EML1: variants seen among roughly 807,000 people sequenced by gnomAD.
EML1 encodes EMAP like 1.
A neutral mutation model predicts 110.4 loss-of-function variants in EML1; 27 were observed. The ratio of observed to expected loss-of-function variants is 0.24; its 90% confidence interval spans 0.18 to 0.34. The LOEUF is 0.34. Among genes scored for constraint, EML1 ranks in the 10% least tolerant of loss-of-function variants. The pLI is 1.00. For synonymous variants in EML1, 344 were observed against 385.8 expected (o/e 0.89, Z 1.27); for missense variants, 741 against 1,030.9 (o/e 0.72, Z 3.85).
At chr14:99,739,700 G>A (rs1178550805) in intron 1 of EML1, among the ~76,000 whole-genome samples, 3 of 152,202 alleles carry the variant, frequency 2.0e-5, no homozygotes, top group Non-Finnish European at 4.4e-5. Context: ...AGGAGTAAAG[G>A]CGGCATCTTG....
intron 1 of EML1, among the ~76,000 whole-genome samples, chr14:99,835,226 T>A (rs1368767618): frequency 1.3e-5 from 2 of 152,248 alleles, no homozygotes; most frequent in Non-Finnish European, 2.9e-5. Flanking sequence ...AGAATGTGTA[T>A]ATTTTATCTA....
At chr14:99,860,744 A>T (rs2058989581) in intron 2 of EML1, among the ~76,000 whole-genome samples, 1 of 152,136 alleles carries the variant, frequency 6.6e-6, no homozygotes, top group Non-Finnish European at 1.5e-5. Context: ...ATCTTGCCGA[A>T]GTTGGGATCT....
chr14:99,851,376 G>C (rs1193785273), intron 2 of EML1, among the ~76,000 whole-genome samples: 1 of 151,816 alleles, frequency 6.6e-6, no homozygotes, highest in African/African-American at 2.4e-5. Context: ...GGCGCGATCT[G>C]GGCTCACTGC....
chr14:99,765,153 C>T (rs2140193016), intron 1 of EML1, among the ~76,000 whole-genome samples: 1 of 152,214 alleles, frequency 6.6e-6, no homozygotes, highest in East Asian at 1.9e-4. Context: ...GTTGCCCAGG[C>T]TGGTGTCGAA....
chr14:99,835,486 G>T (rs4905901), intron 1 of EML1, among the ~76,000 whole-genome samples: 1 of 151,842 alleles, frequency 6.6e-6, no homozygotes, highest in African/African-American at 2.4e-5. Flanking sequence ...ATATTGCTTC[G>T]TTTTTTTCTG....
intron 1 of EML1, among the ~76,000 whole-genome samples, chr14:99,754,428 C>T (rs2057220904): frequency 6.6e-6 from 1 of 152,170 alleles, no homozygotes; most frequent in Non-Finnish European, 1.5e-5. Context: ...GCAAAGGGCT[C>T]CACCAGACCT....
intron 15 of EML1, among the ~76,000 whole-genome samples, chr14:99,916,192 C>T (rs2060031853): frequency 6.6e-6 from 1 of 152,250 alleles, no homozygotes; most frequent in Non-Finnish European, 1.5e-5. Context: ...GTTCTAGCTC[C>T]TCTGCCTACT....
chr14:99,853,086 G>C (rs2139838881), intron 2 of EML1, among the ~76,000 whole-genome samples: 1 of 152,058 alleles, frequency 6.6e-6, no homozygotes, highest in Non-Finnish European at 1.5e-5. Context: ...AAAATAACAG[G>C]GTGTGCCCAA....
intron 1 of EML1, among the ~76,000 whole-genome samples, chr14:99,795,292 G>T (rs1211673451): frequency 6.6e-6 from 1 of 152,162 alleles, no homozygotes; most frequent in African/African-American, 2.4e-5. Context: ...AGAGATATTG[G>T]CATGGTATTT....
intron 2 of EML1, among the ~76,000 whole-genome samples, chr14:99,863,129 A>G (rs1445743412): frequency 6.6e-6 from 1 of 152,130 alleles, no homozygotes; most frequent in Non-Finnish European, 1.5e-5. Flanking sequence ...TAATTGTTCC[A>G]TCCTGATGTT....
chr14:99,827,767 G>A lies in EML1; in HGVS notation c.68-23086G>A, dbSNP rs1395217646. On this transcript the variant is annotated intron_variant, in intron 1 of 21. Coordinates refer to ENST00000262233, the MANE Select transcript of EML1 (RefSeq NM_004434.3). This position sits in a 1 kb window ranked among gnomAD's most constrained non-coding sequence, Gnocchi z 4.4. ...CAGGAAGCTAAACTTGATCTCAGATGTCCAGCCTCCAGGATTGTTTAAGCC... is the reference window on the plus strand; with the variant it reads ...CAGGAAGCTAAACTTGATCTCAGATATCCAGCCTCCAGGATTGTTTAAGCC... 6.6e-6 allele frequency among the ~76,000 whole-genome samples: 1 copy of A among 152,154 alleles called. No homozygotes were observed. Among genetic ancestry groups the A allele is most frequent in the Admixed American group, 6.5e-5 (1 of 15,280 alleles).
At chr14:99,825,850 G>A (rs2058342944) in intron 1 of EML1, among the ~76,000 whole-genome samples, 1 of 152,092 alleles carries the variant, frequency 6.6e-6, no homozygotes, top group African/African-American at 2.4e-5. Context: ...AGGACATAAG[G>A]GAAGGTTTTT....
Position 99,793,535 on chromosome 14 carries a change from T to C in EML1, c.59T>C (p.Phe20Ser). The C allele has an allele frequency of 9.7e-7, 1 of 1,033,390 alleles. No homozygotes were observed. The highest frequency in any genetic ancestry group is 4.2e-5 in the South Asian group (1 of 24,094). 64.0% of individuals were successfully genotyped at this position (1,033,390 alleles called of 1,614,324 possible). A position where few individuals can be genotyped will look rare whatever the true frequency, so the allele number is the denominator to read the frequency against. The stretch of plus-strand genomic sequence containing the variant: ...TACGACACGTCCTCGCTGCTCCAGT[T>C]CTGCAACGGTGAGGGGCGGCCGCGC... ...SLYDTSSLLQ[F>S]CNDDSASAAS... The change falls in exon 1 of 22, where the codon TTC (phenylalanine) becomes TCC (serine). Residue 20 changes from phenylalanine (F) to serine (S), a missense_variant. By Grantham distance (155) the Phe-to-Ser change is radical (BLOSUM62 -2). This residue lies in a region of EML1 where 226 missense variants were observed against 255.6 expected (regional missense o/e 0.88). Coordinates refer to ENST00000262233, the MANE Select transcript of EML1 (RefSeq NM_004434.3).
At chr14:99,740,796 A>G (rs906632061) in intron 1 of EML1, among the ~76,000 whole-genome samples, 4 of 152,138 alleles carry the variant, frequency 2.6e-5, no homozygotes, top group African/African-American at 9.7e-5. Flanking sequence ...CTGGGTCTGG[A>G]AATAGGATCT....
chr14:99,899,898 G>A (rs1469600666), intron 8 of EML1, among the ~76,000 whole-genome samples: 1 of 152,062 alleles, frequency 6.6e-6, no homozygotes, highest in East Asian at 1.9e-4. Context: ...GAAATCCAGA[G>A]AGGCCTAGTG....
At chr14:99,743,233 GA>G (rs1278184333) in intron 1 of EML1, among the ~76,000 whole-genome samples, 2 of 152,168 alleles carry the variant, frequency 1.3e-5, no homozygotes, top group African/African-American at 4.8e-5. Context: ...GGCACAGGTC[GA>G]GCCCCTCCAG....
At chr14:99,868,549 G>A (rs1308167104) in intron 3 of EML1, among the ~76,000 whole-genome samples, 1 of 152,012 alleles carries the variant, frequency 6.6e-6, no homozygotes, top group Non-Finnish European at 1.5e-5. Context: ...GGTGGGCTTT[G>A]TGTTTCTAGG....
At chr14:99,881,140 C>T (rs905644596) in intron 4 of EML1, among the ~76,000 whole-genome samples, 1 of 152,194 alleles carries the variant, frequency 6.6e-6, no homozygotes, top group African/African-American at 2.4e-5. Flanking sequence ...CCAGCCTGCC[C>T]GCTGTTCCAG....
At chr14:99,839,258 T>C (rs763868390) in intron 1 of EML1, among the ~76,000 whole-genome samples, 1 of 152,176 alleles carries the variant, frequency 6.6e-6, no homozygotes, top group Non-Finnish European at 1.5e-5. Flanking sequence ...GTCCTCATAT[T>C]ACTTTCTGGC....
Sources: gnomAD v4.1 joint callset for allele counts (sites outside exome capture counted in the v4.1 genomes callset) on GRCh38, gnomAD v4.1.1 for gene constraint, gnomAD v4.1.1 regional missense constraint, Gnocchi (gnomAD v3.1) non-coding constraint, MANE v1.5 for transcripts, NCBI Gene and HGNC (gene_info 2026-07-23, HGNC 2026-07-21) for gene names.